Variants in GDAP1 observed in about 807,000 individuals in gnomAD.
GDAP1 encodes ganglioside induced differentiation associated protein 1, also known as ganglioside-induced differentiation-associated protein 1.
GDAP1 carries 34 observed loss-of-function variants against 40.1 expected under a neutral mutation model. The ratio of observed to expected loss-of-function variants is 0.85; its 90% CI spans 0.64 to 1.13. GDAP1 has a LOEUF of 1.13. Ranked by LOEUF, GDAP1 falls within the 50% of genes most tolerant of loss-of-function variation. The probability of loss-of-function intolerance (pLI) is 0.00; values close to 1 mark genes in which losing one functional copy is unlikely to be tolerated. For missense variants in GDAP1, 374 were observed against 433.7 expected, an observed-to-expected ratio of 0.86 and a Z score of 1.22; for synonymous variants, 170 against 157.4, an observed-to-expected ratio of 1.08 and a Z score of -0.60.
intron 2 of GDAP1, among the ~76,000 whole-genome samples, chr8:74,396,452 C>G (rs1409046928): frequency 6.6e-6 from 1 of 151,814 alleles, no homozygotes. Context: ...GTGTGCTGCA[C>G]CCATTAACTC....
At chr8:74,449,148 A>G (rs967080285) in intron 2 of GDAP1, among the ~76,000 whole-genome samples, 2 of 151,850 alleles carry the variant, frequency 1.3e-5, no homozygotes, top group South Asian at 2.1e-4. Context: ...TCAAAAATCT[A>G]TTGACTATAT....
intron 2 of GDAP1, among the ~76,000 whole-genome samples, chr8:74,476,132 G>T (rs985872448): frequency 4.0e-5 from 6 of 151,860 alleles, no homozygotes; most frequent in African/African-American, 1.5e-4. Context: ...TTTCCTCTTG[G>T]TTGGCAGATT....
chr8:74,418,620 A>G (rs1805815000), intron 2 of GDAP1, among the ~76,000 whole-genome samples: 1 of 152,236 alleles, frequency 6.6e-6, no homozygotes, highest in African/African-American at 2.4e-5. Context: ...AGGCAAAGAA[A>G]TCTTAGGCAT....
At chr8:74,446,113 C>T (rs528006357) in intron 2 of GDAP1, among the ~76,000 whole-genome samples, 12 of 152,104 alleles carry the variant, frequency 7.9e-5, no homozygotes, top group South Asian at 2.1e-4. Flanking sequence ...TTTTCTACTT[C>T]GGGGAGCTGG....
At chr8:74,484,636 T>C (rs1353703036) in intron 2 of GDAP1, among the ~76,000 whole-genome samples, 1 of 152,136 alleles carries the variant, frequency 6.6e-6, no homozygotes, top group Non-Finnish European at 1.5e-5. Context: ...TGTTATGAGA[T>C]ACCTGATCCT....
rs1215650247 is a variant in GDAP1 at position 74,365,607 on chromosome 8, G to C, written c.*1240G>C. On this transcript the variant is annotated 3_prime_UTR_variant, in exon 6 of 6. Coordinates refer to ENST00000220822, the MANE Select transcript of GDAP1 (RefSeq NM_018972.4). ...AGCAGGCATAGAGATGATGTGCCGA[G>C]GTCCCAGTGAACAACAGTAGCCAAA... 6.6e-6 allele frequency: 3 copies of C among 454,296 alleles called. No homozygotes were observed. Among genetic ancestry groups the C allele is most frequent in the Non-Finnish European group, 4.4e-6 (1 of 226,776 alleles). The allele number at this position is 454,296 out of a possible 1,614,324, so 28.1% of individuals were successfully genotyped here. A position where few individuals can be genotyped will look rare whatever the true frequency, so the allele number is the denominator to read the frequency against.
At chr8:74,394,121 G>A (rs745806618) in intron 2 of GDAP1, among the ~76,000 whole-genome samples, 5 of 152,204 alleles carry the variant, frequency 3.3e-5, no homozygotes, top group Non-Finnish European at 5.9e-5. Flanking sequence ...TCACAATTTG[G>A]TGGAAGGCAG....
chr8:74,394,223 A>T (rs888973751), intron 2 of GDAP1, among the ~76,000 whole-genome samples: 2 of 152,192 alleles, frequency 1.3e-5, no homozygotes, highest in South Asian at 4.1e-4. Flanking sequence ...ATCAGATCTT[A>T]TGAGACTTAT....
At position 74,357,826 on chromosome 8, in the gene GDAP1, A is replaced by G. The variant is rs553075654; in HGVS notation, c.311-2311A>G. ...CTCCTGATTGAGGTACATTACTGAG[A>G]AAAAAATTCTTGCTTTTGGTATTTT... On this transcript the variant is annotated intron_variant, in intron 2 of 5. Coordinates refer to ENST00000220822, the MANE Select transcript of GDAP1 (RefSeq NM_018972.4). 4.6e-5 allele frequency among the ~76,000 whole-genome samples: 7 copies of G among 152,296 alleles called. 1 individual carries two copies. Among genetic ancestry groups the G allele is most frequent in the African/African-American group, 1.7e-4 (7 of 41,558 alleles).
chr8:74,467,243 G>T (rs559388873), intron 2 of GDAP1, among the ~76,000 whole-genome samples: 93 of 152,252 alleles, frequency 6.1e-4, no homozygotes, highest in Non-Finnish European at 9.3e-4. Context: ...AGATCAAATG[G>T]AATAGGTTAA....
At chr8:74,483,906 T>C (rs141265140) in intron 2 of GDAP1, among the ~76,000 whole-genome samples, 1 of 152,298 alleles carries the variant, frequency 6.6e-6, no homozygotes, top group Non-Finnish European at 1.5e-5. Flanking sequence ...GCCAAAGACT[T>C]CTTTCCTTCC....
At chr8:74,386,182 T>A (rs536040255) in intron 2 of GDAP1, among the ~76,000 whole-genome samples, 1 of 152,354 alleles carries the variant, frequency 6.6e-6, no homozygotes, top group African/African-American at 2.4e-5. Flanking sequence ...GTGCAGAAGC[T>A]CTTTAGTTTA....
At chr8:74,357,138 A>G (rs553403674) in intron 2 of GDAP1, among the ~76,000 whole-genome samples, 11 of 152,354 alleles carry the variant, frequency 7.2e-5, no homozygotes, top group African/African-American at 2.6e-4. Flanking sequence ...AATAAACAGC[A>G]AAGGGCTAGA....
intron 2 of GDAP1, among the ~76,000 whole-genome samples, chr8:74,427,439 A>G (rs1052881172): frequency 1.3e-5 from 2 of 152,204 alleles, no homozygotes; most frequent in African/African-American, 4.8e-5. Flanking sequence ...TAGAACCTAT[A>G]AAAGCTTATG....
Position 74,350,409 on chromosome 8 carries a change from G to A in GDAP1, c.-53G>A, listed in dbSNP as rs755962230. ...AAACGCCTTGCGGGGCAGTGTGGGA[G>A]GGAGAAGTCCAGGGCGGACAGGCTG... On this transcript the variant is annotated 5_prime_UTR_variant, in exon 1 of 6. Coordinates refer to ENST00000220822, the MANE Select transcript of GDAP1 (RefSeq NM_018972.4). 10 of 1,134,010 alleles carry A rather than the reference G, an allele frequency of 8.8e-6. No homozygotes were observed. The African/African-American group carries it at 1.5e-4, about 17-fold the overall frequency. 70.2% of individuals were successfully genotyped at this position (1,134,010 alleles called of 1,614,324 possible).
At chr8:74,463,776 C>T (rs764129053) in intron 2 of GDAP1, among the ~76,000 whole-genome samples, 3 of 152,214 alleles carry the variant, frequency 2.0e-5, no homozygotes, top group Middle Eastern at 3.4e-3. Flanking sequence ...ACCACAATTA[C>T]AAGAAAGCAA....
At position 74,472,786 on chromosome 8, in the gene GDAP1, G is replaced by C. The variant is rs114316378; in HGVS notation, c.166-15892G>C. On this transcript the variant is annotated intron_variant, in intron 2 of 2. Coordinates refer to the GDAP1 transcript ENST00000523640. Reference sequence around the variant, plus strand: ...TTTTTGAGAGACATGGTGTCGCTCTGTTGCCCAGGCTGCAGGGCAGTGTTG... The same window carrying C: ...TTTTTGAGAGACATGGTGTCGCTCTCTTGCCCAGGCTGCAGGGCAGTGTTG... Among the ~76,000 whole-genome samples, 972 of 150,964 alleles carry C rather than the reference G, an allele frequency of 6.4e-3. 14 individuals are homozygous for C. The highest frequency in any genetic ancestry group is 0.022 in the African/African-American group (920 of 40,918).
intron 2 of GDAP1, among the ~76,000 whole-genome samples, chr8:74,455,828 A>G (rs907479022): frequency 6.6e-6 from 1 of 152,042 alleles, no homozygotes; most frequent in Admixed American, 6.6e-5. Flanking sequence ...AATAATCACC[A>G]TAATATATAG....
chr8:74,475,054 G>A (rs1306287475), intron 2 of GDAP1, among the ~76,000 whole-genome samples: 1 of 152,080 alleles, frequency 6.6e-6, no homozygotes, highest in Non-Finnish European at 1.5e-5. Context: ...AGATTTTGTA[G>A]TTTGTGTGCA....
Sources: allele counts gnomAD v4.1 joint callset (sites outside exome capture counted in the v4.1 genomes callset), GRCh38; gene constraint gnomAD v4.1.1; transcripts MANE v1.5; gene names NCBI Gene and HGNC (gene_info 2026-07-23, HGNC 2026-07-21).